Variants in HPCAL1 observed in about 807,000 individuals in gnomAD.
HPCAL1 encodes hippocalcin like 1, also known as hippocalcin-like protein 1.
Under a neutral mutation model 17.1 loss-of-function variants are expected in HPCAL1, and 8 were observed. That is an observed-to-expected ratio of 0.47 (90% CI 0.27 to 0.84). The LOEUF is 0.84. Ranked by LOEUF, HPCAL1 falls within the 40% of genes least tolerant of loss-of-function variation. The pLI is 0.13. For missense variants in HPCAL1, 165 were observed against 271.1 expected (o/e 0.61, Z 2.75); for synonymous variants, 112 against 111.4 (o/e 1.01, Z -0.03).
intron 1 of HPCAL1, among the ~76,000 whole-genome samples, chr2:10,346,382 A>C (rs115402498): frequency 3.3e-5 from 5 of 152,332 alleles, no homozygotes; most frequent in East Asian, 3.9e-4. Flanking sequence ...TGCCTCATTC[A>C]GGGCTTGGCT....
chr2:10,305,131 CCT>C (rs1372393956), intron 1 of HPCAL1, among the ~76,000 whole-genome samples: 1 of 151,944 alleles, frequency 6.6e-6, no homozygotes, highest in Non-Finnish European at 1.5e-5. Flanking sequence ...TAGAATGCAC[CCT>C]GTTTTCTGTT....
rs1384812958 is a variant in HPCAL1, at chr2:10,303,520, G to A, written c.-111+343G>A. On this transcript the variant is annotated intron_variant, in intron 1 of 4. Coordinates refer to ENST00000307845, the MANE Select transcript of HPCAL1 (RefSeq NM_002149.4). The stretch of plus-strand genomic sequence containing the variant: ...GAGCAGCTGTGCGCAGAGCGGGGTG[G>A]CGGGGTGGGTGTGGGTGGTCCAGCC... Among the ~76,000 whole-genome samples, 5 of 152,278 alleles carry A rather than the reference G, an allele frequency of 3.3e-5. No homozygotes were observed. In the South Asian group the frequency reaches 8.3e-4, roughly 25 times the overall value.
intron 2 of HPCAL1, among the ~76,000 whole-genome samples, chr2:10,409,435 C>G (rs1383185611): frequency 1.3e-5 from 2 of 152,210 alleles, no homozygotes; most frequent in Admixed American, 1.3e-4. Flanking sequence ...CCTTGGAGAA[C>G]TACCGGGAAG....
chr2:10,360,843 C>T (rs535300373), intron 1 of HPCAL1, among the ~76,000 whole-genome samples: 3 of 151,828 alleles, frequency 2.0e-5, no homozygotes, highest in Non-Finnish European at 4.4e-5. Flanking sequence ...TCTCTTGTCT[C>T]TCCTCTTCCT....
intron 1 of HPCAL1, among the ~76,000 whole-genome samples, chr2:10,349,996 C>G (rs1665741636): frequency 6.6e-6 from 1 of 152,146 alleles, no homozygotes. Flanking sequence ...TGATATTATA[C>G]AGTTATTTTG....
rs562539384 is a variant in HPCAL1 at position 10,365,779 on chromosome 2, G to T, written c.-110-31056G>T. On this transcript the variant is annotated intron_variant, in intron 1 of 4. Coordinates refer to ENST00000307845, the MANE Select transcript of HPCAL1 (RefSeq NM_002149.4). The surrounding 1 kb of genome is among the most constrained non-coding windows in gnomAD (Gnocchi z 4.8). ...CTTGGAGAAGAGGGTGTGTGAGGGG[G>T]TGCGGGTGGCCCTCCAGACTGGACC... 8.1e-4 allele frequency among the ~76,000 whole-genome samples: 124 copies of T among 152,282 alleles called. No homozygotes were observed. Among genetic ancestry groups the T allele is most frequent in the African/African-American group, 2.7e-3 (111 of 41,558 alleles).
intron 2 of HPCAL1, among the ~76,000 whole-genome samples, chr2:10,399,579 G>T (rs74171480): frequency 0.51 from 50,237 of 98,476 alleles, 13,210 homozygotes; most frequent in East Asian, 0.64. Context: ...CACCACCACC[G>T]CCACCGCCAC....
rs1401165551 is a variant in HPCAL1 at position 10,359,797 on chromosome 2, T to C, written c.-110-37038T>C. The stretch of plus-strand genomic sequence containing the variant: ...GTCCCCCACAGCGGTGGCGGTTTTA[T>C]TGATGTATTGTGAAGGCACAGGGAG... On this transcript the variant is annotated intron_variant, in intron 1 of 4. Transcript: ENST00000307845. This position sits in a 1 kb window ranked among gnomAD's most constrained non-coding sequence, Gnocchi z 4.1. 1.3e-5 allele frequency among the ~76,000 whole-genome samples: 2 copies of C among 152,116 alleles called. No homozygotes were observed. Among genetic ancestry groups the C allele is most frequent in the South Asian group, 4.1e-4 (2 of 4,830 alleles).
intron 2 of HPCAL1, among the ~76,000 whole-genome samples, chr2:10,405,675 C>T (rs778802430): frequency 6.6e-5 from 10 of 152,224 alleles, no homozygotes; most frequent in Non-Finnish European, 1.3e-4. Context: ...AGGAAGAATG[C>T]GCTCCAAGAT....
Position 10,365,339 on chromosome 2 carries a change from CG to C in HPCAL1, c.-110-31495del, listed in dbSNP as rs1666783481. 6.6e-6 allele frequency among the ~76,000 whole-genome samples: 1 copy of C among 152,172 alleles called. No individual in the cohort carries two copies. Among genetic ancestry groups the C allele is most frequent in the African/African-American group, 2.4e-5 (1 of 41,442 alleles). The stretch of plus-strand genomic sequence containing the variant: ...GGTGGTGGCGCGGTAATTGCAAGAG[CG>C]TGAGCCCCTCCTCTGGGGCATGTTC... On this transcript the variant is annotated intron_variant, in intron 1 of 4. Coordinates refer to ENST00000307845, the MANE Select transcript of HPCAL1 (RefSeq NM_002149.4). The surrounding 1 kb of genome is among the most constrained non-coding windows in gnomAD (Gnocchi z 4.8).
At chr2:10,426,150 G>C (rs1478102296) in intron 4 of HPCAL1, 1 of 152,728 alleles carries the variant, frequency 6.5e-6, no homozygotes, top group Non-Finnish European at 1.5e-5. Context: ...GAGGGAATAT[G>C]TTGTCACCAG....
intron 1 of HPCAL1, among the ~76,000 whole-genome samples, chr2:10,387,835 GT>G (rs1293003991): frequency 3.3e-5 from 5 of 152,228 alleles, no homozygotes; most frequent in Non-Finnish European, 5.9e-5. Flanking sequence ...CTCAGGGCCT[GT>G]TTGCTCAACT....
chr2:10,330,115 A>G lies in HPCAL1; in HGVS notation c.-111+26938A>G, dbSNP rs967518237. On this transcript the variant is annotated intron_variant, in intron 1 of 4. Coordinates refer to ENST00000307845, the MANE Select transcript of HPCAL1 (RefSeq NM_002149.4). The surrounding 1 kb of genome is among the most constrained non-coding windows in gnomAD (Gnocchi z 4.2). ...TTTTTTTTCCTTTTAGAGACTATGC[A>G]CAATTTATGTGGCAAGCTAGAGATG... 4.7e-5 allele frequency: 7 copies of G among 150,040 alleles called. No individual in the cohort carries two copies. The highest frequency in any genetic ancestry group is 7.4e-5 in the Non-Finnish European group (5 of 67,796). The allele number at this position is 150,040 out of a possible 1,614,324, so 9.3% of individuals were successfully genotyped here.
At chr2:10,312,253 T>C (rs1342703783) in intron 1 of HPCAL1, among the ~76,000 whole-genome samples, 1 of 137,934 alleles carries the variant, frequency 7.2e-6, no homozygotes. Context: ...TCACTATCAT[T>C]ACCATCACCA....
At chr2:10,399,573 ACCACCGCCACCGCCACCG>A (rs1251756098) in intron 2 of HPCAL1, among the ~76,000 whole-genome samples, 9 of 35,918 alleles carry the variant, frequency 2.5e-4, no homozygotes, top group Admixed American at 5.3e-4. Context: ...CACCGCCACC[ACCACCGCCACCGCCACCG>A]CCACCACCAC....
At chr2:10,345,583 A>G (rs1458423958) in intron 1 of HPCAL1, among the ~76,000 whole-genome samples, 1 of 151,850 alleles carries the variant, frequency 6.6e-6, no homozygotes, top group Non-Finnish European at 1.5e-5. Flanking sequence ...CAGCCTCCCA[A>G]GAAGCTGGGA....
At chr2:10,335,252 G>T (rs1664646244) in intron 1 of HPCAL1, among the ~76,000 whole-genome samples, 1 of 152,212 alleles carries the variant, frequency 6.6e-6, no homozygotes, top group Admixed American at 6.5e-5. Context: ...GTTATAAAAA[G>T]ACTGCAGCTG....
chr2:10,423,219 C>T (rs549746273), intron 4 of HPCAL1, 131 bp downstream of exon 4: 100 of 692,622 alleles, frequency 1.4e-4, no homozygotes, highest in South Asian at 1.3e-3. Flanking sequence ...ACCTGCCTGG[C>T]GCCTGCCATG....
intron 1 of HPCAL1, among the ~76,000 whole-genome samples, chr2:10,358,530 G>T (rs951412070): frequency 1.3e-5 from 2 of 152,158 alleles, no homozygotes; most frequent in Non-Finnish European, 2.9e-5. Flanking sequence ...TATAAAAACC[G>T]CGAGAGCCTA....
Sources: gnomAD v4.1 joint callset for allele counts (sites outside exome capture counted in the v4.1 genomes callset) on GRCh38, gnomAD v4.1.1 for gene constraint, Gnocchi (gnomAD v3.1) non-coding constraint, MANE v1.5 for transcripts, NCBI Gene and HGNC (gene_info 2026-07-23, HGNC 2026-07-21) for gene names.